The following FDFT1 variants were observed in gnomAD, a reference collection of about 807,000 sequenced individuals.
FDFT1 encodes the protein farnesyl-diphosphate farnesyltransferase 1.
FDFT1 carries 68 observed loss-of-function variants against 46.8 expected under a neutral mutation model. That is an observed-to-expected ratio of 1.45 (90% CI 1.19 to 1.78). The LOEUF is 1.78. Ranked by LOEUF, FDFT1 falls within the 40% of genes most tolerant of loss-of-function variation. The pLI is 0.00. For missense variants in FDFT1, 928 were observed against 524.4 expected, an observed-to-expected ratio of 1.77 and a Z score of -7.52; for synonymous variants, 351 against 185.1, an observed-to-expected ratio of 1.90 and a Z score of -7.28.
intron 1 of FDFT1, among the ~76,000 whole-genome samples, chr8:11,804,239 T>C (rs1275038185): frequency 4.6e-5 from 7 of 152,236 alleles, no homozygotes; most frequent in African/African-American, 1.4e-4. Context: ...GGGATCTGAG[T>C]GCAGTCAGAC....
At chr8:11,800,923 A>AG (rs1806053639), upstream of FDFT1, among the ~76,000 whole-genome samples, 1 of 152,144 alleles carries the variant, frequency 6.6e-6, no homozygotes, top group African/African-American at 2.4e-5. Flanking sequence ...GTCCAGTGGT[A>AG]GGGACTTAGG....
At chr8:11,797,057 T>G (rs1013933232) in intron 1 of FDFT1, among the ~76,000 whole-genome samples, 5 of 152,218 alleles carry the variant, frequency 3.3e-5, no homozygotes, top group African/African-American at 1.2e-4. Context: ...TCTGGGTTGT[T>G]GGGTCATTGC....
chr8:11,837,733 T>C (rs904714371), intron 7 of FDFT1, among the ~76,000 whole-genome samples: 1 of 151,976 alleles, frequency 6.6e-6, no homozygotes, highest in Non-Finnish European at 1.5e-5. Context: ...AGCAGACAGG[T>C]AGATTTGGGA....
At position 11,830,560 on chromosome 8, in the gene FDFT1, T is replaced by C. The variant is rs183344780; in HGVS notation, c.879+140T>C. ...CCAGTTTATTACGCTGGGAGTTTCA[T>C]AGCACCCGCCTTTGCTTCCAGCCAC... On this transcript the variant is annotated intron_variant, in intron 6 of 7. Coordinates refer to ENST00000220584, the MANE Select transcript of FDFT1 (RefSeq NM_004462.5). 29 of 645,146 alleles carry C rather than the reference T, an allele frequency of 4.5e-5. No individual in the cohort carries two copies. The East Asian group carries it at 7.6e-4, about 17-fold the overall frequency. 40.0% of individuals were successfully genotyped at this position (645,146 alleles called of 1,614,324 possible).
intron 1 of FDFT1, among the ~76,000 whole-genome samples, chr8:11,804,327 G>C (rs1394824993): frequency 6.6e-6 from 1 of 152,176 alleles, no homozygotes. Context: ...TGGTAGCATT[G>C]GTTTCCTGTT....
At chr8:11,810,052 G>A (rs1807487064) in intron 3 of FDFT1, 2 of 530,692 alleles carry the variant, frequency 3.8e-6, no homozygotes, top group Admixed American at 7.1e-5. Flanking sequence ...TTACTAAACT[G>A]TTGGTTACTT....
Position 11,832,000 on chromosome 8 carries a change from G to A in FDFT1, c.1032+330G>A, listed in dbSNP as rs1455470499. Among the ~76,000 whole-genome samples, 4 of 152,252 alleles carry A rather than the reference G, an allele frequency of 2.6e-5. No homozygotes were observed. In the East Asian group the frequency reaches 7.7e-4, roughly 29 times the overall value. Reference sequence around the variant, plus strand: ...TGCTGGTGAGGAATGTGAGGTTGAAGCTTGTCTGTGCTGATGCAGTGCGTG... The same window carrying A: ...TGCTGGTGAGGAATGTGAGGTTGAAACTTGTCTGTGCTGATGCAGTGCGTG... On this transcript the variant is annotated intron_variant, in intron 7 of 7. Transcript: ENST00000220584.
chr8:11,825,846 T>G (rs1809896946), intron 4 of FDFT1, among the ~76,000 whole-genome samples, 178 bp from the exon 5 acceptor site: 1 of 152,228 alleles, frequency 6.6e-6, no homozygotes, highest in Non-Finnish European at 1.5e-5. Flanking sequence ...ATGAAATGTT[T>G]TGAGCACATC....
Position 11,814,138 on chromosome 8 carries a change from G to A in FDFT1, c.381+4288G>A, listed in dbSNP as rs1021427397. 2.0e-5 allele frequency among the ~76,000 whole-genome samples: 3 copies of A among 152,306 alleles called. No individual in the cohort carries two copies. In the South Asian group the frequency reaches 6.2e-4, roughly 32 times the overall value. ...TGGTCTAACCAAGGATCTGTGGAATGAGCAGAGTCCAACGGAGATTCAGGG... is the reference window on the plus strand; with the variant it reads ...TGGTCTAACCAAGGATCTGTGGAATAAGCAGAGTCCAACGGAGATTCAGGG... On this transcript the variant is annotated intron_variant, in intron 3 of 7. Transcript: ENST00000220584.
At chr8:11,803,191 C>A in intron 1 of FDFT1, 1 of 1,406,584 alleles carries the variant, frequency 7.1e-7, no homozygotes, top group Non-Finnish European at 9.3e-7. Context: ...TTGCGCTCCC[C>A]GTTTCGTCCC....
chr8:11,831,883 A>G, intron 7 of FDFT1: 1 of 495,594 alleles, frequency 2.0e-6, no homozygotes, highest in Non-Finnish European at 3.6e-6. Context: ...GTGAGAGGAG[A>G]TAAATGGAGC....
intron 3 of FDFT1, among the ~76,000 whole-genome samples, chr8:11,819,179 ACT>A (rs1324978577): frequency 6.6e-6 from 1 of 151,874 alleles, no homozygotes; most frequent in South Asian, 2.1e-4. Flanking sequence ...ATTGGCCCCC[ACT>A]CTCTTCTGGC....
At chr8:11,821,706 G>A in intron 3 of FDFT1, 44 bp from the exon 4 acceptor site, 1 of 1,605,634 alleles carries the variant, frequency 6.2e-7, no homozygotes, top group Non-Finnish European at 8.5e-7. Context: ...TGCCATGTCT[G>A]TACATATTTC....
chr8:11,806,455 G>C (rs1454141034), intron 1 of FDFT1, among the ~76,000 whole-genome samples: 3 of 152,158 alleles, frequency 2.0e-5, no homozygotes, highest in African/African-American at 7.2e-5. Context: ...TAGGTGACAG[G>C]AAAAAGAGCA....
intron 6 of FDFT1, 148 bp from the exon 7 acceptor site, chr8:11,831,370 T>G: frequency 1.6e-6 from 1 of 635,994 alleles, no homozygotes; most frequent in Non-Finnish European, 2.7e-6. Flanking sequence ...CATACTTTCT[T>G]CGTGGGTATT....
At chr8:11,824,090 T>C (rs1021836116) in intron 4 of FDFT1, among the ~76,000 whole-genome samples, 1 of 152,150 alleles carries the variant, frequency 6.6e-6, no homozygotes, top group African/African-American at 2.4e-5. Context: ...CTAAAACTCT[T>C]GGGCTCAAGC....
At chr8:11,809,034 G>T (rs897438208) in intron 2 of FDFT1, 143 bp downstream of exon 2, 4 of 1,374,098 alleles carry the variant, frequency 2.9e-6, no homozygotes, top group Non-Finnish European at 3.9e-6. Context: ...GGCCCTACGT[G>T]TTTACTTTAG....
chr8:11,802,236 C>T (rs989251670), upstream of FDFT1: 1 of 385,946 alleles, frequency 2.6e-6, no homozygotes, highest in South Asian at 1.9e-5. Flanking sequence ...TTGGCGCTGG[C>T]CCGGCCTTTT....
At chr8:11,831,742 G>C (rs1810835345) in intron 7 of FDFT1, 72 bp downstream of exon 7, 3 of 1,262,480 alleles carry the variant, frequency 2.4e-6, no homozygotes, top group South Asian at 2.4e-5. Context: ...TGTTTAACCA[G>C]GTTTGGATAT....
Sources: allele counts gnomAD v4.1 joint callset (sites outside exome capture counted in the v4.1 genomes callset), GRCh38; gene constraint gnomAD v4.1.1; transcripts MANE v1.5; gene names NCBI Gene and HGNC (gene_info 2026-07-23, HGNC 2026-07-21).